GABRG3: variants seen among roughly 807,000 people sequenced by gnomAD.
GABRG3 encodes the protein gamma-aminobutyric acid receptor subunit gamma-3.
Under a neutral mutation model 48.8 loss-of-function variants are expected in GABRG3, and 25 were observed. The ratio of observed to expected loss-of-function variants is 0.51; its 90% confidence interval spans 0.37 to 0.72. The LOEUF (loss-of-function observed/expected upper bound fraction) is 0.72, where lower values mean the gene tolerates loss of function less well. Ranked by LOEUF, GABRG3 falls within the 30% of genes least tolerant of loss-of-function variation. The pLI is 0.00. For missense variants in GABRG3, 394 were observed against 577.9 expected (o/e 0.68, Z 3.26); for synonymous variants, 227 against 217.6 (o/e 1.04, Z -0.38).
At chr15:27,307,132 A>C (rs1269398631) in intron 3 of GABRG3, among the ~76,000 whole-genome samples, 2 of 131,600 alleles carry the variant, frequency 1.5e-5, no homozygotes, top group African/African-American at 3.0e-5. Context: ...TAATATAAAC[A>C]TGTTTATACA....
chr15:27,231,008 AATGTGT>A (rs1889778222), intron 3 of GABRG3, among the ~76,000 whole-genome samples: 3 of 120,464 alleles, frequency 2.5e-5, no homozygotes, highest in South Asian at 2.8e-4. Context: ...AAAACAGTAA[AATGTGT>A]GTGTGTGTGT....
intron 3 of GABRG3, among the ~76,000 whole-genome samples, chr15:27,308,272 A>AT (rs1566773668): frequency 8.8e-6 from 1 of 113,252 alleles, no homozygotes; most frequent in Non-Finnish European, 1.8e-5. Context: ...ATATAAACAT[A>AT]ATATAAACAT....
chr15:27,383,796 T>C (rs1316011696), intron 5 of GABRG3, among the ~76,000 whole-genome samples: 1 of 152,212 alleles, frequency 6.6e-6, no homozygotes, highest in East Asian at 1.9e-4. Flanking sequence ...CAAAAAATAA[T>C]GTGTGTCTTT....
intron 3 of GABRG3, among the ~76,000 whole-genome samples, chr15:27,138,493 C>T (rs1898048008): frequency 6.6e-6 from 1 of 152,190 alleles, no homozygotes; most frequent in South Asian, 2.1e-4. Flanking sequence ...TTCCTTCAGC[C>T]TCCAAAAGTT....
rs142959090 is a variant in GABRG3 at position 27,427,025 on chromosome 15, C to A, written c.575-53625C>A. On this transcript the variant is annotated intron_variant, in intron 5 of 9. Coordinates refer to ENST00000615808, the MANE Select transcript of GABRG3 (RefSeq NM_033223.5). ...GACAACCAAACATCTGATGTTTGGG[C>A]TCCATTAGAAAAGGAAATAAAATTC... is the stretch of plus-strand genomic sequence containing the variant. Among the ~76,000 whole-genome samples, 429 of 152,214 alleles carry A rather than the reference C, an allele frequency of 2.8e-3. 1 individual carries two copies. Among genetic ancestry groups the A allele is most frequent in the African/African-American group, 9.7e-3 (402 of 41,514 alleles).
chr15:27,096,825 C>A (rs1289341759), intron 3 of GABRG3, among the ~76,000 whole-genome samples: 2 of 142,714 alleles, frequency 1.4e-5, no homozygotes, highest in Admixed American at 1.4e-4. Flanking sequence ...AGATTCTTTT[C>A]TTTTCTTTCT....
intron 3 of GABRG3, among the ~76,000 whole-genome samples, chr15:27,239,239 G>T (rs1890065868): frequency 6.6e-6 from 1 of 152,162 alleles, no homozygotes; most frequent in African/African-American, 2.4e-5. Context: ...GTATTTTTTT[G>T]TCTAAAGCTG....
At chr15:27,477,490 G>T (rs1158135729) in intron 5 of GABRG3, among the ~76,000 whole-genome samples, 2 of 152,202 alleles carry the variant, frequency 1.3e-5, no homozygotes, top group African/African-American at 4.8e-5. Flanking sequence ...CAATACTGCA[G>T]TGGTGGATAC....
At chr15:27,056,468 A>T (rs1242079442) in intron 3 of GABRG3, among the ~76,000 whole-genome samples, 1 of 152,194 alleles carries the variant, frequency 6.6e-6, no homozygotes, top group African/African-American at 2.4e-5. Context: ...AATTAACACC[A>T]GACAACCAGC....
At chr15:27,165,725 G>T (rs909335081) in intron 3 of GABRG3, among the ~76,000 whole-genome samples, 1 of 152,046 alleles carries the variant, frequency 6.6e-6, no homozygotes, top group African/African-American at 2.4e-5. Flanking sequence ...AATATAAACT[G>T]CTGGTCCTTA....
intron 1 of GABRG3, among the ~76,000 whole-genome samples, chr15:26,972,777 T>A (rs777139294): frequency 6.6e-6 from 1 of 152,142 alleles, no homozygotes; most frequent in African/African-American, 2.4e-5. Context: ...CACTCCTGAA[T>A]TGGGCAGGGG....
chr15:27,388,028 G>A (rs533964054), intron 5 of GABRG3, among the ~76,000 whole-genome samples: 1 of 113,412 alleles, frequency 8.8e-6, no homozygotes, highest in Non-Finnish European at 1.8e-5. Context: ...AGGAGGGAGG[G>A]AGGAAAGGAA....
intron 3 of GABRG3, among the ~76,000 whole-genome samples, chr15:27,034,488 A>G (rs1172889833): frequency 2.0e-5 from 3 of 152,232 alleles, no homozygotes; most frequent in Non-Finnish European, 4.4e-5. Flanking sequence ...CACACTAATA[A>G]CAATAGGAAC....
chr15:27,108,605 T>G (rs764556005), intron 3 of GABRG3, among the ~76,000 whole-genome samples: 6 of 152,192 alleles, frequency 3.9e-5, no homozygotes, highest in African/African-American at 7.2e-5. Flanking sequence ...TGGTGGATAG[T>G]GCTGTCCAGG....
At chr15:27,375,128 A>G (rs1243862709) in intron 5 of GABRG3, among the ~76,000 whole-genome samples, 2 of 152,190 alleles carry the variant, frequency 1.3e-5, no homozygotes, top group African/African-American at 2.4e-5. Context: ...TTGGGCCTGC[A>G]GAGTAGACAA....
chr15:27,015,919 A>G (rs1470405704), intron 2 of GABRG3, among the ~76,000 whole-genome samples: 1 of 152,066 alleles, frequency 6.6e-6, no homozygotes, highest in Non-Finnish European at 1.5e-5. Flanking sequence ...ATATGTTAAG[A>G]CTTGTCTTAA....
chr15:27,147,128 G>C (rs1395622947), intron 3 of GABRG3, among the ~76,000 whole-genome samples: 1 of 151,898 alleles, frequency 6.6e-6, no homozygotes, highest in Non-Finnish European at 1.5e-5. Flanking sequence ...AAAGAGAGCT[G>C]GGGTTGCTAT....
chr15:27,040,159 T>A (rs1012810266), intron 3 of GABRG3, among the ~76,000 whole-genome samples: 4 of 152,038 alleles, frequency 2.6e-5, no homozygotes, highest in Non-Finnish European at 4.4e-5. Context: ...CAGGTGGGGG[T>A]CCAGAGGACG....
At chr15:27,212,701 C>A (rs1032484467) in intron 3 of GABRG3, among the ~76,000 whole-genome samples, 1 of 152,188 alleles carries the variant, frequency 6.6e-6, no homozygotes, top group Non-Finnish European at 1.5e-5. Context: ...CACACTGAAA[C>A]TTTGTACTCA....
Sources: gnomAD v4.1 joint callset for allele counts (sites outside exome capture counted in the v4.1 genomes callset) on GRCh38, gnomAD v4.1.1 for gene constraint, MANE v1.5 for transcripts, NCBI Gene and HGNC (gene_info 2026-07-23, HGNC 2026-07-21) for gene names.